The following PTPRN2 variants were observed in gnomAD, a reference collection of about 807,000 sequenced individuals.
PTPRN2 encodes the protein protein tyrosine phosphatase receptor type N2.
Under a neutral mutation model 118.8 loss-of-function variants are expected in PTPRN2, and 74 were observed. The ratio of observed to expected loss-of-function variants is 0.62; its 90% CI spans 0.52 to 0.76. PTPRN2 has a LOEUF of 0.76. Ranked by LOEUF, PTPRN2 falls within the 30% of genes least tolerant of loss-of-function variation. The pLI, the probability that PTPRN2 is intolerant of heterozygous loss-of-function variation, is 0.00. For synonymous variants in PTPRN2, 641 were observed against 608.0 expected (o/e 1.05, Z -0.80); for missense variants, 1,481 against 1,394.4 (o/e 1.06, Z -0.99).
chr7:157,664,983 T>C (rs12698092), intron 13 of PTPRN2, among the ~76,000 whole-genome samples: 58,512 of 151,944 alleles, frequency 0.39, 12,303 homozygotes, highest in Non-Finnish European at 0.49. Context: ...CACCCCAGAG[T>C]GAGGCCTGTG....
chr7:158,309,348 C>A lies in PTPRN2; in HGVS notation c.277+7471G>T, dbSNP rs1801528012. The stretch of plus-strand genomic sequence containing the variant: ...CACAAAAGTAGTTTAGTCTTCCAGC[C>A]TACACGCTACTCCCCTGCGGGATGC... On this transcript the variant is annotated intron_variant, in intron 3 of 22. Transcript: ENST00000389418. Among the ~76,000 whole-genome samples, 4 of 152,262 alleles carry A rather than the reference C, an allele frequency of 2.6e-5. No homozygotes were observed. In the South Asian group the frequency reaches 8.3e-4, roughly 31 times the overall value.
In PTPRN2 at chr7:157,879,823, G is replaced by A. The variant is rs1323860360; in HGVS notation, c.1788+18850C>T. 3.0e-5 allele frequency among the ~76,000 whole-genome samples: 4 copies of A among 131,476 alleles called. No individual in the cohort carries two copies. The Admixed American group carries it at 3.2e-4, about 11-fold the overall frequency. 86.3% of individuals were successfully genotyped at this position (131,476 alleles called of 152,430 possible). On this transcript the variant is annotated intron_variant, in intron 12 of 22. Coordinates refer to ENST00000389418, the MANE Select transcript of PTPRN2 (RefSeq NM_002847.5). ...TTTCCATATCAAACCCAATTTAGAT[G>A]AAACGTCTTTGTTAAAAAAAAAAAA...
chr7:157,942,239 C>T (rs1017957437), intron 11 of PTPRN2, among the ~76,000 whole-genome samples: 13 of 151,380 alleles, frequency 8.6e-5, no homozygotes, highest in East Asian at 2.0e-4. Context: ...GTCCTCGGCA[C>T]GCCTTTCCAG....
At position 157,841,791 on chromosome 7, in the gene PTPRN2, C is replaced by T. The variant is rs557576023; in HGVS notation, c.1788+56882G>A. Among the ~76,000 whole-genome samples, 198 of 152,288 alleles carry T rather than the reference C, an allele frequency of 1.3e-3. 2 individuals carry two copies. The highest frequency in any genetic ancestry group is 3.4e-3 in the Middle Eastern group (1 of 294). ...TTCTACATTTATGAAAATATTGCAG[C>T]GTTCGGGGTGCTGGGGACGTCCTCT... On this transcript the variant is annotated intron_variant, in intron 12 of 22. Coordinates refer to ENST00000389418, the MANE Select transcript of PTPRN2 (RefSeq NM_002847.5).
At chr7:158,328,793 T>TGC (rs1491355388) in intron 2 of PTPRN2, among the ~76,000 whole-genome samples, 1 of 133,954 alleles carries the variant, frequency 7.5e-6, no homozygotes, top group African/African-American at 2.9e-5. Context: ...GGGCCTCCAT[T>TGC]CCCCCCCCCC....
chr7:158,250,380 C>G (rs1404119377), intron 3 of PTPRN2, among the ~76,000 whole-genome samples: 2 of 152,106 alleles, frequency 1.3e-5, no homozygotes, highest in African/African-American at 4.8e-5. Flanking sequence ...ATAATGCATG[C>G]CTATTTAAGA....
intron 21 of PTPRN2, among the ~76,000 whole-genome samples, chr7:157,549,496 C>CT (rs1010173034): frequency 9.9e-5 from 15 of 152,114 alleles, no homozygotes; most frequent in African/African-American, 3.1e-4. Context: ...GAGTTTTCTG[C>CT]TTTTTAAACT....
chr7:157,846,669 T>C (rs1019489315), intron 12 of PTPRN2, among the ~76,000 whole-genome samples: 6 of 151,676 alleles, frequency 4.0e-5, no homozygotes, highest in Non-Finnish European at 7.4e-5. Context: ...CGCTCCATCA[T>C]GCGTGCCCGA....
Position 157,730,398 on chromosome 7 carries a change from G to T in PTPRN2, c.1789-47461C>A, listed in dbSNP as rs142304385. Among the ~76,000 whole-genome samples, 3 of 152,214 alleles carry T rather than the reference G, an allele frequency of 2.0e-5. No individual in the cohort carries two copies. The East Asian group carries it at 5.8e-4, about 29-fold the overall frequency. On this transcript the variant is annotated intron_variant, in intron 12 of 22. Transcript: ENST00000389418. ...AGGAGCCAAAACAGAGGAGGGTGTC[G>T]CAAGCGGCAGACATTTGAAAGCAGC... is the stretch of plus-strand genomic sequence containing the variant.
At chr7:158,248,158 G>A (rs1796379187) in intron 3 of PTPRN2, among the ~76,000 whole-genome samples, 1 of 152,188 alleles carries the variant, frequency 6.6e-6, no homozygotes, top group African/African-American at 2.4e-5. Flanking sequence ...AGCCCACTAA[G>A]GCCAGGCGGG....
At chr7:157,580,977 C>G (rs1443071258) in intron 17 of PTPRN2, among the ~76,000 whole-genome samples, 1 of 141,858 alleles carries the variant, frequency 7.0e-6, no homozygotes, top group Non-Finnish European at 1.5e-5. Flanking sequence ...CACACCGCAG[C>G]CCCTGCACAC....
intron 10 of PTPRN2, among the ~76,000 whole-genome samples, chr7:158,107,089 T>C (rs1270865195): frequency 2.6e-5 from 4 of 152,150 alleles, no homozygotes; most frequent in African/African-American, 9.7e-5. Flanking sequence ...CACTTGTCTC[T>C]GTTCTCACAT....
chr7:157,646,682 A>G (rs1412047457), intron 14 of PTPRN2, among the ~76,000 whole-genome samples: 1 of 152,164 alleles, frequency 6.6e-6, no homozygotes, highest in Admixed American at 6.5e-5. Context: ...GGTACAGAAC[A>G]GAGTCCCAGG....
At chr7:158,528,340 G>T (rs958216447) in intron 1 of PTPRN2, among the ~76,000 whole-genome samples, 1 of 152,150 alleles carries the variant, frequency 6.6e-6, no homozygotes, top group East Asian at 1.9e-4. Context: ...GCCAGGTGAC[G>T]TCCCAAAACA....
intron 16 of PTPRN2, 40 bp from the exon 17 acceptor site, chr7:157,595,355 A>ATTAGGAAGCCTGGAGG (rs753018689): frequency 5.0e-5 from 60 of 1,208,942 alleles, no homozygotes; most frequent in African/African-American, 2.7e-4. Flanking sequence ...TAGCCAGGAG[A>ATTAGGAAGCCTGGAGG]TTAGGAAGCC....
intron 9 of PTPRN2, among the ~76,000 whole-genome samples, chr7:158,132,317 C>T (rs993122596): frequency 1.3e-5 from 2 of 151,500 alleles, no homozygotes; most frequent in Admixed American, 1.3e-4. Flanking sequence ...CATACACACT[C>T]ATACACACAC....
intron 11 of PTPRN2, among the ~76,000 whole-genome samples, chr7:158,000,419 G>T (rs936568079): frequency 1.3e-5 from 2 of 152,002 alleles, no homozygotes; most frequent in Non-Finnish European, 2.9e-5. Flanking sequence ...CACCCAACAC[G>T]TGAAAGCCGT....
At chr7:158,263,262 A>G (rs1797653117) in intron 3 of PTPRN2, among the ~76,000 whole-genome samples, 1 of 152,212 alleles carries the variant, frequency 6.6e-6, no homozygotes. Context: ...ACACTTGTGC[A>G]TGCACTGCAC....
At chr7:157,541,059 G>A (rs1017746484) in intron 22 of PTPRN2, among the ~76,000 whole-genome samples, 2 of 152,336 alleles carry the variant, frequency 1.3e-5, no homozygotes, top group East Asian at 1.9e-4. Context: ...TTCCCCCTGC[G>A]GGGAGAAGCT....
Sources: gnomAD v4.1 joint callset for allele counts (sites outside exome capture counted in the v4.1 genomes callset) on GRCh38, gnomAD v4.1.1 for gene constraint, MANE v1.5 for transcripts, NCBI Gene and HGNC (gene_info 2026-07-23, HGNC 2026-07-21) for gene names.